KCNT1: variants seen among roughly 807,000 people sequenced by gnomAD.
KCNT1 encodes potassium channel subfamily T member 1.
Under a neutral mutation model 147.8 loss-of-function variants are expected in KCNT1, and 78 were observed. The ratio of observed to expected loss-of-function variants is 0.53; its 90% CI spans 0.44 to 0.64. The LOEUF is 0.64. Ranked by LOEUF, KCNT1 falls within the 30% of genes least tolerant of loss-of-function variation. The pLI is 0.00. For missense variants in KCNT1, 1,419 were observed against 1,750.3 expected (o/e 0.81, Z 3.38); for synonymous variants, 867 against 748.8 (o/e 1.16, Z -2.58).
chr9:135,792,213 C>G lies in KCNT1; in HGVS notation c.*52C>G. Reference sequence around the variant, plus strand: ...CCAAGCCCGGGGTCCTCAGGAAGGACGTGGAGGAGCGTGTGAGGACACGGT... The same window carrying G: ...CCAAGCCCGGGGTCCTCAGGAAGGAGGTGGAGGAGCGTGTGAGGACACGGT... On this transcript the variant is annotated 3_prime_UTR_variant, in exon 31 of 31. Coordinates refer to ENST00000371757, the MANE Select transcript of KCNT1 (RefSeq NM_020822.3). 1 of 1,568,578 alleles carries G rather than the reference C, an allele frequency of 6.4e-7. No homozygotes were observed. Among genetic ancestry groups the G allele is most frequent in the Non-Finnish European group, 8.6e-7 (1 of 1,160,000 alleles).
In KCNT1 at chr9:135,751,111, A is replaced by G. The variant is rs926446248; in HGVS notation, c.434+70A>G. 1.8e-5 allele frequency: 26 copies of G among 1,417,764 alleles called. No individual in the cohort carries two copies. In the African/African-American group the frequency reaches 3.5e-4, roughly 19 times the overall value. The allele number at this position is 1,417,764 out of a possible 1,614,324, so 87.8% of individuals were successfully genotyped here. A position where few individuals can be genotyped will look rare whatever the true frequency, so the allele number is the denominator to read the frequency against. ...CTGAGCCTTCCCACTGGGCCGTTAC[A>G]GAAGCTGATGGCGTCCCTGGGGGAG... On this transcript the variant is annotated intron_variant, in intron 4 of 30. Coordinates refer to ENST00000371757, the MANE Select transcript of KCNT1 (RefSeq NM_020822.3).
At chr9:135,788,361 GGCCTGA>G (rs1834232478) in intron 29 of KCNT1, among the ~76,000 whole-genome samples, 1 of 152,260 alleles carries the variant, frequency 6.6e-6, no homozygotes. Context: ...GTTGAGGACG[GGCCTGA>G]GGCTGAGGTC....
rs538992170 is a variant in KCNT1 at position 135,748,399 on chromosome 9, G to A, written c.255-1699G>A. Among the ~76,000 whole-genome samples, 111 of 150,074 alleles carry A rather than the reference G, an allele frequency of 7.4e-4. No individual in the cohort carries two copies. In the South Asian group the frequency reaches 7.6e-3, roughly 10 times the overall value. The stretch of plus-strand genomic sequence containing the variant: ...ACTTACCCTGAGTGTTGTGAGCTTT[G>A]GGAAACATCGAATGTTTTAATCACT... On this transcript the variant is annotated intron_variant, in intron 2 of 30. Transcript: ENST00000371757.
chr9:135,731,749 A>G (rs978948779), intron 2 of KCNT1, among the ~76,000 whole-genome samples: 2 of 151,654 alleles, frequency 1.3e-5, no homozygotes, highest in Admixed American at 1.3e-4. Context: ...TTCACTGCAG[A>G]AAATCTGCAG....
At chr9:135,784,966 G>A (rs1833927934) in intron 27 of KCNT1, 77 bp downstream of exon 27, 3 of 1,554,818 alleles carry the variant, frequency 1.9e-6, no homozygotes, top group South Asian at 2.4e-5. Context: ...CCTTCCGGGG[G>A]CTGGGACTGT....
rs953916659 is a variant in KCNT1 at position 135,793,776 on chromosome 9, A to C, written c.*1615A>C. ...CCCTCTGTGGGGGACAGAGCCAGAC[A>C]TGGGTGGTCAGGGAGAGGCTGTGTG... On this transcript the variant is annotated 3_prime_UTR_variant, in exon 31 of 31. Transcript: ENST00000371757. 1 of 152,540 alleles carries C rather than the reference A, an allele frequency of 6.6e-6. No individual in the cohort carries two copies. Among genetic ancestry groups the C allele is most frequent in the African/African-American group, 2.4e-5 (1 of 41,466 alleles). The allele number at this position is 152,540 out of a possible 1,614,324, so 9.4% of individuals were successfully genotyped here.
rs1046004889 is a variant in KCNT1 at position 135,714,159 on chromosome 9, G to A, written c.111-418G>A. Among the ~76,000 whole-genome samples, 1 of 152,096 alleles carries A rather than the reference G, an allele frequency of 6.6e-6. No homozygotes were observed. The highest frequency in any genetic ancestry group is 1.5e-5 in the Non-Finnish European group (1 of 67,996). ...CGGCCTCGGCAAAGACCCTGGGGAC[G>A]GGGAGGGGAGCTGGGGAGTTGGGAG... On this transcript the variant is annotated intron_variant, in intron 1 of 30. Coordinates refer to ENST00000371757, the MANE Select transcript of KCNT1 (RefSeq NM_020822.3). The surrounding 1 kb of genome is among the most constrained non-coding windows in gnomAD (Gnocchi z 6.2).
chr9:135,705,847 C>G (rs1328983920), intron 1 of KCNT1, among the ~76,000 whole-genome samples: 1 of 152,000 alleles, frequency 6.6e-6, no homozygotes, highest in East Asian at 1.9e-4. Context: ...TGGGGTAGGT[C>G]CCTGGGAAGG....
chr9:135,733,682 G>T (rs1830220136), intron 2 of KCNT1, among the ~76,000 whole-genome samples: 1 of 143,896 alleles, frequency 6.9e-6, no homozygotes, highest in Non-Finnish European at 1.5e-5. Context: ...GTTTCAGGCT[G>T]TACCACTCCA....
At chr9:135,732,018 A>AGG (rs1836489449) in intron 2 of KCNT1, among the ~76,000 whole-genome samples, 2 of 114,416 alleles carry the variant, frequency 1.7e-5, no homozygotes, top group African/African-American at 3.2e-5. Context: ...AGAGAGAGAG[A>AGG]GAGAGAGAGA....
chr9:135,761,673 G>A (rs1157542111), intron 11 of KCNT1, among the ~76,000 whole-genome samples: 1 of 152,192 alleles, frequency 6.6e-6, no homozygotes, highest in African/African-American at 2.4e-5. Flanking sequence ...CCACGTGGCC[G>A]GCACCTGCTG....
intron 5 of KCNT1, 126 bp from the exon 6 acceptor site, chr9:135,754,995 C>A (rs1831389646): frequency 2.5e-6 from 2 of 792,406 alleles, no homozygotes; most frequent in Admixed American, 3.3e-5. Flanking sequence ...CTCCTTTGGT[C>A]CAGCCCCAAT....
chr9:135,702,782 CA>C (rs1008354636), intron 1 of KCNT1, among the ~76,000 whole-genome samples: 9 of 152,218 alleles, frequency 5.9e-5, no homozygotes, highest in African/African-American at 2.2e-4. Context: ...AGTGCTCGGC[CA>C]GGGTGGGGTG....
intron 1 of KCNT1, among the ~76,000 whole-genome samples, chr9:135,709,348 C>T (rs879357042): frequency 3.0e-4 from 46 of 152,310 alleles, no homozygotes; most frequent in African/African-American, 8.4e-4. Context: ...AGTTCAGGGA[C>T]GTGCAGGCTG....
At chr9:135,769,238 T>A (rs1339633448) in intron 15 of KCNT1, among the ~76,000 whole-genome samples, 25 of 128,848 alleles carry the variant, frequency 1.9e-4, no homozygotes, top group African/African-American at 3.1e-4. Flanking sequence ...CACGTGTGTG[T>A]CGGTGTGTCT....
chr9:135,765,563 AG>A, intron 12 of KCNT1, 60 bp from the exon 13 acceptor site: 7 of 1,553,832 alleles, frequency 4.5e-6, no homozygotes, highest in South Asian at 1.2e-5. Flanking sequence ...TCCTGAAGGC[AG>A]GGCCGCCCGG....
At chr9:135,761,594 T>G (rs933571957) in intron 11 of KCNT1, among the ~76,000 whole-genome samples, 2 of 152,222 alleles carry the variant, frequency 1.3e-5, no homozygotes, top group Admixed American at 6.5e-5. Flanking sequence ...GGACCTGCTT[T>G]CAGGGCCATC....
At chr9:135,749,833 AG>A (rs1179406423) in intron 2 of KCNT1, among the ~76,000 whole-genome samples, 1 of 152,186 alleles carries the variant, frequency 6.6e-6, no homozygotes, top group African/African-American at 2.4e-5. Flanking sequence ...GGCGGCCTGG[AG>A]GGCCCAGACT....
intron 21 of KCNT1, among the ~76,000 whole-genome samples, chr9:135,777,727 G>C (rs1269520005): frequency 1.4e-5 from 2 of 141,066 alleles, no homozygotes; most frequent in Non-Finnish European, 3.1e-5. Context: ...CCTGCTCCCA[G>C]CTCCTCCCCA....
Sources: gnomAD v4.1 joint callset for allele counts (sites outside exome capture counted in the v4.1 genomes callset) on GRCh38, gnomAD v4.1.1 for gene constraint, Gnocchi (gnomAD v3.1) non-coding constraint, MANE v1.5 for transcripts, NCBI Gene and HGNC (gene_info 2026-07-23, HGNC 2026-07-21) for gene names.